Variants in RABGAP1L observed in about 807,000 individuals in gnomAD.
RABGAP1L encodes RAB GTPase activating protein 1 like.
A neutral mutation model predicts 137.7 loss-of-function variants in RABGAP1L; 63 were observed. That is an observed-to-expected ratio of 0.46 (90% CI 0.37 to 0.56). RABGAP1L has a LOEUF of 0.56. Among genes scored for constraint, RABGAP1L ranks in the 20% least tolerant of loss-of-function variants. The pLI is 0.00. For missense variants in RABGAP1L, 1,095 were observed against 1,244.0 expected, an observed-to-expected ratio of 0.88 and a Z score of 1.80; for synonymous variants, 431 against 433.7, an observed-to-expected ratio of 0.99 and a Z score of 0.08.
intron 13 of RABGAP1L, among the ~76,000 whole-genome samples, chr1:174,550,820 T>A (rs2147979194): frequency 7.3e-6 from 1 of 136,972 alleles, no homozygotes; most frequent in South Asian, 2.3e-4. Flanking sequence ...GAGATTGAAA[T>A]CATCCTGGCT....
intron 13 of RABGAP1L, among the ~76,000 whole-genome samples, chr1:174,589,501 G>C (rs931760797): frequency 2.1e-4 from 32 of 152,034 alleles, no homozygotes; most frequent in African/African-American, 7.2e-4. Flanking sequence ...GGTTGCTTGT[G>C]CTCGTGGGGT....
intron 13 of RABGAP1L, among the ~76,000 whole-genome samples, chr1:174,535,469 A>G (rs954110019): frequency 8.5e-5 from 13 of 152,208 alleles, no homozygotes; most frequent in African/African-American, 3.1e-4. Context: ...GGGGAAGTCT[A>G]TTTTCAGCCT....
At chr1:174,352,781 G>T (rs911263772) in intron 11 of RABGAP1L, among the ~76,000 whole-genome samples, 2 of 152,192 alleles carry the variant, frequency 1.3e-5, no homozygotes, top group African/African-American at 4.8e-5. Context: ...GTCACTGCAG[G>T]TATATCTGCG....
intron 11 of RABGAP1L, among the ~76,000 whole-genome samples, chr1:174,315,874 T>A (rs574305385): frequency 9.8e-5 from 15 of 152,294 alleles, no homozygotes; most frequent in African/African-American, 3.4e-4. Flanking sequence ...AATGCTTAGA[T>A]TCGCACCTTT....
chr1:174,172,095 C>G (rs1665442253), intron 1 of RABGAP1L, among the ~76,000 whole-genome samples: 1 of 149,710 alleles, frequency 6.7e-6, no homozygotes, highest in Admixed American at 6.7e-5. Flanking sequence ...TTTCATTTAA[C>G]ATAGTGTCCT....
chr1:174,493,072 A>G (rs891315247), intron 13 of RABGAP1L, among the ~76,000 whole-genome samples: 1 of 150,956 alleles, frequency 6.6e-6, no homozygotes, highest in Non-Finnish European at 1.5e-5. Flanking sequence ...ATTTTAATAA[A>G]TATTTAGACC....
At chr1:174,613,009 T>A (rs1201717377) in intron 13 of RABGAP1L, among the ~76,000 whole-genome samples, 1 of 151,714 alleles carries the variant, frequency 6.6e-6, no homozygotes, top group Non-Finnish European at 1.5e-5. Context: ...AAAAACCAGG[T>A]CCTAGATTCA....
intron 13 of RABGAP1L, among the ~76,000 whole-genome samples, chr1:174,609,332 T>C (rs535391403): frequency 3.3e-5 from 5 of 152,310 alleles, no homozygotes; most frequent in Admixed American, 2.0e-4. Flanking sequence ...TTAACAGCAG[T>C]TGCATTTTCT....
chr1:174,354,381 T>G (rs1220943785), intron 11 of RABGAP1L, among the ~76,000 whole-genome samples: 1 of 152,288 alleles, frequency 6.6e-6, no homozygotes, highest in East Asian at 1.9e-4. Flanking sequence ...TTGGCTGCCT[T>G]ATAAGAAGCT....
intron 13 of RABGAP1L, among the ~76,000 whole-genome samples, chr1:174,549,416 A>C (rs980887606): frequency 6.6e-6 from 1 of 152,206 alleles, no homozygotes; most frequent in African/African-American, 2.4e-5. Flanking sequence ...ATAAGAAAGC[A>C]TTAAAGGGGG....
At chr1:174,486,307 T>G (rs1279991168) in intron 13 of RABGAP1L, among the ~76,000 whole-genome samples, 1 of 151,706 alleles carries the variant, frequency 6.6e-6, no homozygotes, top group Non-Finnish European at 1.5e-5. Context: ...ATTGATCTTT[T>G]ATTCTGTTTT....
rs76263367 is a variant in RABGAP1L at position 174,907,290 on chromosome 1, T to G, written c.2341-50167T>G. ...TTTTATTTTGCCTGTTTCTGTTCTTTTATTTGTGATCCAAGATAAGTTGTC... is the reference window on the plus strand; with the variant it reads ...TTTTATTTTGCCTGTTTCTGTTCTTGTATTTGTGATCCAAGATAAGTTGTC... On this transcript the variant is annotated intron_variant, in intron 19 of 25. Coordinates refer to ENST00000681986, the MANE Select transcript of RABGAP1L (RefSeq NM_001366446.1). Among the ~76,000 whole-genome samples, 1,183 of 152,288 alleles carry G rather than the reference T, an allele frequency of 7.8e-3. 16 individuals are homozygous for G. The highest frequency in any genetic ancestry group is 0.028 in the African/African-American group (1,143 of 41,544).
At chr1:174,308,446 A>G (rs572099055) in intron 11 of RABGAP1L, among the ~76,000 whole-genome samples, 9 of 151,996 alleles carry the variant, frequency 5.9e-5, no homozygotes, top group Admixed American at 1.3e-4. Context: ...TATCCAAAAA[A>G]TCATTGCCCA....
At chr1:174,712,561 G>T (rs559933377) in intron 17 of RABGAP1L, among the ~76,000 whole-genome samples, 2 of 152,232 alleles carry the variant, frequency 1.3e-5, no homozygotes, top group African/African-American at 4.8e-5. Flanking sequence ...CCATCTTTAA[G>T]AACTGTAACA....
intron 4 of RABGAP1L, chr1:174,238,936 A>T (rs1671504309): frequency 6.1e-6 from 1 of 162,682 alleles, no homozygotes; most frequent in Non-Finnish European, 1.3e-5. Context: ...TTGGCGTAGG[A>T]CCCTCCAAGC....
intron 24 of RABGAP1L, 150 bp downstream of exon 24, chr1:174,983,055 G>A (rs758730167): frequency 3.7e-6 from 3 of 810,170 alleles, no homozygotes; most frequent in East Asian, 2.8e-5. Flanking sequence ...CTGACCAGGT[G>A]TGATTGTCTT....
At chr1:174,240,986 T>C (rs1671766629) in intron 4 of RABGAP1L, among the ~76,000 whole-genome samples, 1 of 152,122 alleles carries the variant, frequency 6.6e-6, no homozygotes. Flanking sequence ...AGTTGTTCTC[T>C]CTTGCATTGT....
At chr1:174,673,359 A>T (rs1677329700) in intron 14 of RABGAP1L, among the ~76,000 whole-genome samples, 1 of 152,110 alleles carries the variant, frequency 6.6e-6, no homozygotes, top group Non-Finnish European at 1.5e-5. Flanking sequence ...GTTAAAGGAG[A>T]ACAATGGACC....
intron 11 of RABGAP1L, among the ~76,000 whole-genome samples, chr1:174,357,972 T>C (rs984139276): frequency 2.0e-5 from 3 of 152,234 alleles, no homozygotes; most frequent in South Asian, 2.1e-4. Flanking sequence ...AGTACTGTTA[T>C]CGTCCCCATG....
Sources: allele counts gnomAD v4.1 joint callset (sites outside exome capture counted in the v4.1 genomes callset), GRCh38; gene constraint gnomAD v4.1.1; transcripts MANE v1.5; gene names NCBI Gene and HGNC (gene_info 2026-07-23, HGNC 2026-07-21).